Variants in DPP6 observed in about 807,000 individuals in gnomAD.
DPP6 encodes the protein A-type potassium channel modulatory protein DPP6.
In DPP6, 69 loss-of-function variants were observed where a neutral mutation model predicts 122.6. That is an observed-to-expected ratio of 0.56 (90% confidence interval 0.46 to 0.69). The LOEUF (loss-of-function observed/expected upper bound fraction) is 0.69. Among genes scored for constraint, DPP6 ranks in the 30% least tolerant of loss-of-function variants. DPP6 has a pLI of 0.00. For missense variants in DPP6, 928 were observed against 1,116.9 expected, an observed-to-expected ratio of 0.83 and a Z score of 2.41; for synonymous variants, 418 against 433.1, an observed-to-expected ratio of 0.97 and a Z score of 0.43.
intron 1 of DPP6, among the ~76,000 whole-genome samples, chr7:153,939,036 A>G (rs994286836): frequency 6.6e-6 from 1 of 152,210 alleles, no homozygotes; most frequent in Non-Finnish European, 1.5e-5. Flanking sequence ...CCCAAATAAA[A>G]TGCATTTTTT....
In DPP6 at chr7:154,262,170, A is replaced by G. The variant is rs139067994; in HGVS notation, c.244-184044A>G. Among the ~76,000 whole-genome samples, 304 of 152,260 alleles carry G rather than the reference A, an allele frequency of 2.0e-3. 2 individuals carry two copies. Among genetic ancestry groups the G allele is most frequent in the Middle Eastern group, 6.8e-3 (2 of 294 alleles). The stretch of plus-strand genomic sequence containing the variant: ...CTTCAGCTCTGCCCCCTTCCCCAGA[A>G]CTGAGTAGATGGAGATCTAATTTAC... On this transcript the variant is annotated intron_variant, in intron 1 of 25. Coordinates refer to ENST00000377770, the MANE Select transcript of DPP6 (RefSeq NM_130797.4).
At chr7:154,205,986 G>A (rs538645870) in intron 1 of DPP6, among the ~76,000 whole-genome samples, 6 of 152,148 alleles carry the variant, frequency 3.9e-5, no homozygotes, top group Admixed American at 2.0e-4. Context: ...GCCTGAGGCT[G>A]GCCTCCACAC....
chr7:153,763,065 C>T, the DPP6 span, among the ~76,000 whole-genome samples: 56 of 152,218 alleles, frequency 3.7e-4, no homozygotes, highest in Non-Finnish European at 7.1e-4. Context: ...GAAGAGAAGG[C>T]GGAGAGCAGC....
rs1163010560 is a variant in DPP6, at chr7:154,894,053, G to A, written c.*1573G>A. ...GGTGATTGGAAGGTCTCCATCACTG[G>A]GTGTTTTAAAGGTGATTCACCACCA... On this transcript the variant is annotated 3_prime_UTR_variant, in exon 26 of 26. Transcript: ENST00000377770. The A allele has an allele frequency of 2.6e-5, 4 of 152,140 alleles. No homozygotes were observed. The allele number at this position is 152,140 out of a possible 1,614,324, so 9.4% of individuals were successfully genotyped here. A position where few individuals can be genotyped will look rare whatever the true frequency, so the allele number is the denominator to read the frequency against.
intron 1 of DPP6, among the ~76,000 whole-genome samples, chr7:154,172,059 G>C (rs6945493): frequency 0.8 from 121,902 of 152,036 alleles, 49,283 homozygotes; most frequent in East Asian, 0.95. Flanking sequence ...ACTTCTGTCT[G>C]CTGTTGAAAA....
chr7:153,894,902 C>A (rs1206038756), intron 1 of DPP6, among the ~76,000 whole-genome samples: 1 of 152,102 alleles, frequency 6.6e-6, no homozygotes, highest in East Asian at 1.9e-4. Context: ...AATATGCAAT[C>A]AAGTCTTGTT....
chr7:154,273,096 G>A (rs1404880417), intron 1 of DPP6, among the ~76,000 whole-genome samples: 1 of 152,220 alleles, frequency 6.6e-6, no homozygotes, highest in Non-Finnish European at 1.5e-5. Context: ...TTTAATGGAT[G>A]TGTGGACACC....
intron 1 of DPP6, among the ~76,000 whole-genome samples, chr7:154,142,623 A>T (rs1334214073): frequency 6.6e-6 from 1 of 152,188 alleles, no homozygotes; most frequent in Non-Finnish European, 1.5e-5. Context: ...TACTCAAATG[A>T]TTGTACAGTT....
At chr7:153,995,992 C>T (rs1282717926) in intron 1 of DPP6, among the ~76,000 whole-genome samples, 1 of 152,218 alleles carries the variant, frequency 6.6e-6, no homozygotes, top group African/African-American at 2.4e-5. Context: ...ATCTGGGCAA[C>T]ATTCCGCAGG....
chr7:154,477,258 C>T (rs1363078114), intron 3 of DPP6, among the ~76,000 whole-genome samples: 1 of 147,492 alleles, frequency 6.8e-6, no homozygotes, highest in Non-Finnish European at 1.5e-5. Context: ...GATCTCCCAC[C>T]ACCACCACCA....
At chr7:153,843,734 C>T in the DPP6 span, among the ~76,000 whole-genome samples, 3 of 152,118 alleles carry the variant, frequency 2.0e-5, no homozygotes, top group African/African-American at 7.2e-5. Flanking sequence ...TGTGCATTAG[C>T]AATTTCTAAC....
rs747400385 is a variant in DPP6 at position 154,082,848 on chromosome 7, T to TTCTTTC, written c.243+29786_243+29787insCTTTCT. Among the ~76,000 whole-genome samples the TTCTTTC allele has an allele frequency of 5.7e-4, 63 of 111,114 alleles. 2 individuals carry two copies. Among genetic ancestry groups the TTCTTTC allele is most frequent in the South Asian group, 9.6e-4 (3 of 3,120 alleles). 72.9% of individuals were successfully genotyped at this position (111,114 alleles called of 152,430 possible). A position where few individuals can be genotyped will look rare whatever the true frequency, so the allele number is the denominator to read the frequency against. ...GTGTGTGCCTATCTTTTCTTTTTCTTTTTTTTTTTTTTTTTTTTGAGATGG... is the reference window on the plus strand; with the variant it reads ...GTGTGTGCCTATCTTTTCTTTTTCTTTCTTTCTTTTTTTTTTTTTTTTTTGAGATGG... On this transcript the variant is annotated intron_variant, in intron 1 of 25. Transcript: ENST00000377770.
At chr7:154,245,727 GATAATA>G (rs1382871808) in intron 1 of DPP6, among the ~76,000 whole-genome samples, 1 of 151,392 alleles carries the variant, frequency 6.6e-6, no homozygotes, top group Non-Finnish European at 1.5e-5. Flanking sequence ...AGAGATATCT[GATAATA>G]ATAAAATGGT....
intron 25 of DPP6, among the ~76,000 whole-genome samples, chr7:154,891,538 A>T (rs553610712): frequency 2.0e-5 from 3 of 152,206 alleles, no homozygotes; most frequent in Non-Finnish European, 4.4e-5. Flanking sequence ...AGTAGCCAGG[A>T]CGCAAAATCT....
intron 1 of DPP6, among the ~76,000 whole-genome samples, chr7:154,365,323 A>G (rs1472756746): frequency 6.6e-6 from 1 of 152,250 alleles, no homozygotes; most frequent in African/African-American, 2.4e-5. Flanking sequence ...ACCAATTTTA[A>G]TGAACCACAA....
At chr7:154,328,688 A>G (rs1808653772) in intron 1 of DPP6, among the ~76,000 whole-genome samples, 1 of 152,210 alleles carries the variant, frequency 6.6e-6, no homozygotes, top group Admixed American at 6.5e-5. Context: ...TCAAGCCCAC[A>G]GAAATGGAGG....
At chr7:154,533,071 G>T (rs956751740) in intron 3 of DPP6, among the ~76,000 whole-genome samples, 2 of 152,294 alleles carry the variant, frequency 1.3e-5, no homozygotes, top group East Asian at 1.9e-4. Flanking sequence ...ATTACCATTA[G>T]ATCACATCAC....
chr7:154,574,745 ATG>A (rs1264244570), intron 5 of DPP6, among the ~76,000 whole-genome samples: 1 of 78,408 alleles, frequency 1.3e-5, no homozygotes, highest in African/African-American at 5.2e-5. Context: ...TGGTGTGTGT[ATG>A]TGTGTTGTGT....
chr7:154,216,171 G>A (rs955111285), intron 1 of DPP6, among the ~76,000 whole-genome samples: 2 of 152,216 alleles, frequency 1.3e-5, no homozygotes, highest in Non-Finnish European at 2.9e-5. Context: ...GACGCATTGA[G>A]TGCTGAGCTA....
Sources: gnomAD v4.1 joint callset for allele counts (sites outside exome capture counted in the v4.1 genomes callset) on GRCh38, gnomAD v4.1.1 for gene constraint, MANE v1.5 for transcripts, NCBI Gene and HGNC (gene_info 2026-07-23, HGNC 2026-07-21) for gene names.